The following DGKD variants were observed in gnomAD, a reference collection of about 807,000 sequenced individuals.
DGKD encodes the protein diacylglycerol kinase delta.
DGKD carries 68 observed loss-of-function variants against 154.4 expected under a neutral mutation model. That is an observed-to-expected ratio of 0.44 (90% CI 0.36 to 0.54). The LOEUF (loss-of-function observed/expected upper bound fraction) is 0.54. Among genes scored for constraint, DGKD ranks in the 20% least tolerant of loss-of-function variants. The pLI, the probability that DGKD is intolerant of heterozygous loss-of-function variation, is 0.00. For synonymous variants in DGKD, 693 were observed against 638.0 expected, an observed-to-expected ratio of 1.09 and a Z score of -1.30; for missense variants, 1,343 against 1,593.6, an observed-to-expected ratio of 0.84 and a Z score of 2.68.
chr2:233,427,815 G>A (rs981184048), intron 3 of DGKD, among the ~76,000 whole-genome samples: 7 of 152,124 alleles, frequency 4.6e-5, no homozygotes, highest in African/African-American at 1.7e-4. Flanking sequence ...CCATTCCTTG[G>A]TTGCCAGTAG....
chr2:233,425,996 T>G (rs941503531), intron 3 of DGKD, among the ~76,000 whole-genome samples: 25 of 152,228 alleles, frequency 1.6e-4, no homozygotes, highest in African/African-American at 5.3e-4. Flanking sequence ...TTGTATTAAT[T>G]TTTGCCCCAG....
intron 10 of DGKD, among the ~76,000 whole-genome samples, chr2:233,444,742 T>C (rs2063008727): frequency 6.6e-6 from 1 of 150,662 alleles, no homozygotes; most frequent in South Asian, 2.1e-4. Flanking sequence ...CCCTGGTGTT[T>C]GCTGTCCCCA....
At chr2:233,368,480 C>A (rs1370593927) in intron 1 of DGKD, among the ~76,000 whole-genome samples, 1 of 152,116 alleles carries the variant, frequency 6.6e-6, no homozygotes, top group Non-Finnish European at 1.5e-5. Flanking sequence ...CCACTGCACT[C>A]CAGGCTGGGC....
intron 1 of DGKD, among the ~76,000 whole-genome samples, chr2:233,355,772 C>G (rs1028924284): frequency 6.6e-6 from 1 of 152,232 alleles, no homozygotes; most frequent in Non-Finnish European, 1.5e-5. Context: ...AATAACAATT[C>G]TTTAATAAGC....
At position 233,445,136 on chromosome 2, in the gene DGKD, T is replaced by C. The variant is rs558443071; in HGVS notation, c.1195-487T>C. ...AGACTGAGGATGGTCCTGGCACCTT[T>C]TTTGGATAGGATTTAGAGGAGAGAA... On this transcript the variant is annotated intron_variant, in intron 10 of 29. Transcript: ENST00000264057. The surrounding 1 kb of genome is among the most constrained non-coding windows in gnomAD (Gnocchi z 5.5). Among the ~76,000 whole-genome samples, 2 of 152,204 alleles carry C rather than the reference T, an allele frequency of 1.3e-5. No homozygotes were observed. Among genetic ancestry groups the C allele is most frequent in the African/African-American group, 4.8e-5 (2 of 41,528 alleles).
Position 233,445,120 on chromosome 2 carries a change from A to G in DGKD, c.1195-503A>G, listed in dbSNP as rs2063023153. On this transcript the variant is annotated intron_variant, in intron 10 of 29. Coordinates refer to ENST00000264057, the MANE Select transcript of DGKD (RefSeq NM_152879.3). This position sits in a 1 kb window ranked among gnomAD's most constrained non-coding sequence, Gnocchi z 5.5. ...CTCCAGGGTAGCCTCCAGACTGAGGATGGTCCTGGCACCTTTTTTGGATAG... is the reference window on the plus strand; with the variant it reads ...CTCCAGGGTAGCCTCCAGACTGAGGGTGGTCCTGGCACCTTTTTTGGATAG... 1.3e-5 allele frequency among the ~76,000 whole-genome samples: 2 copies of G among 152,112 alleles called. No individual in the cohort carries two copies. Among genetic ancestry groups the G allele is most frequent in the Admixed American group, 1.3e-4 (2 of 15,280 alleles).
In DGKD at chr2:233,438,069, A is replaced by G. The variant is rs1575119508; in HGVS notation, c.923-148A>G. On this transcript the variant is annotated intron_variant, in intron 8 of 29. Transcript: ENST00000264057. The surrounding 1 kb of genome is among the most constrained non-coding windows in gnomAD (Gnocchi z 4.1). ...TCACACATGGAGACCGGCTGTGGGGAACTGTTCACTGACCTCCTCCTGACT... is the reference window on the plus strand; with the variant it reads ...TCACACATGGAGACCGGCTGTGGGGGACTGTTCACTGACCTCCTCCTGACT... 1.2e-6 allele frequency: 1 copy of G among 867,906 alleles called. No homozygotes were observed. Among genetic ancestry groups the G allele is most frequent in the Non-Finnish European group, 1.8e-6 (1 of 553,484 alleles). 53.8% of individuals were successfully genotyped at this position (867,906 alleles called of 1,614,324 possible). A position where few individuals can be genotyped will look rare whatever the true frequency, so the allele number is the denominator to read the frequency against.
At chr2:233,439,541 G>T (rs1367477721) in intron 9 of DGKD, among the ~76,000 whole-genome samples, 1 of 152,114 alleles carries the variant, frequency 6.6e-6, no homozygotes, top group Non-Finnish European at 1.5e-5. Flanking sequence ...TCACTAGTAG[G>T]CTGATCAAGA....
At chr2:233,419,902 G>A (rs552331952) in intron 3 of DGKD, among the ~76,000 whole-genome samples, 1 of 152,066 alleles carries the variant, frequency 6.6e-6, no homozygotes, top group African/African-American at 2.4e-5. Context: ...GAGGGAAGGT[G>A]TTTTTGCTGT....
intron 3 of DGKD, among the ~76,000 whole-genome samples, chr2:233,394,056 T>G (rs1220607570): frequency 6.6e-5 from 10 of 152,322 alleles, no homozygotes; most frequent in African/African-American, 2.4e-4. Context: ...TCGCTTGAGC[T>G]TCCATAGGCT....
chr2:233,402,206 C>T (rs991256250), intron 3 of DGKD, among the ~76,000 whole-genome samples: 3 of 152,238 alleles, frequency 2.0e-5, no homozygotes, highest in African/African-American at 7.2e-5. Flanking sequence ...CCATATGCTT[C>T]TGTGGGACTG....
In DGKD at chr2:233,454,829, C is replaced by T. The variant is rs547499218; in HGVS notation, c.2331C>T (p.Ser777=). Residue 777 remains serine (S), a synonymous_variant, in exon 19 of 30, where the codon TCC becomes TCT. Transcript: ENST00000264057. ...YFGIGLDAKI[S]LDFNNKRDEH... is the part of the protein sequence containing the mutation. ...GCATTGGCCTGGATGCGAAGATATC[C>T]CTGGACTTTAACAACAAGCGCGATG... 6.2e-7 allele frequency: 1 copy of T among 1,614,038 alleles called. No homozygotes were observed. Among genetic ancestry groups the T allele is most frequent in the African/African-American group, 1.3e-5 (1 of 75,020 alleles).
intron 3 of DGKD, among the ~76,000 whole-genome samples, chr2:233,422,107 T>G (rs1356714812): frequency 1.3e-5 from 2 of 152,176 alleles, no homozygotes; most frequent in African/African-American, 4.8e-5. Flanking sequence ...AGAGGCAGCT[T>G]CTTTTGGGGC....
rs753587074 is a variant in DGKD, at chr2:233,457,230, C to T, written c.2482C>T (p.Arg828Ter). The change falls in exon 21 of 30, where the codon CGA (arginine) becomes TGA (stop). Residue 828 changes from arginine to a stop codon, truncating the protein, a stop_gained. Coordinates refer to ENST00000264057, the MANE Select transcript of DGKD (RefSeq NM_152879.3). LOFTEE classifies it high-confidence loss of function. This position sits in a 1 kb window ranked among gnomAD's most constrained non-coding sequence, Gnocchi z 5.5. The stretch of plus-strand genomic sequence containing the variant: ...TGTCTCTGCTGCTCAGTGTGACGGG[C>T]GACCCATCCCACTCCCCAGTCTTCA... ...EQKVLLECDG[R>*]PIPLPSLQGI... The T allele has an allele frequency of 1.3e-6, 2 of 1,517,088 alleles. No individual in the cohort carries two copies. The highest frequency in any genetic ancestry group is 2.2e-5 in the Admixed American group (1 of 44,872). The allele number at this position is 1,517,088 out of a possible 1,614,324, so 94.0% of individuals were successfully genotyped here.
chr2:233,430,427 T>C (rs185305988), intron 3 of DGKD, among the ~76,000 whole-genome samples: 2 of 152,296 alleles, frequency 1.3e-5, no homozygotes, highest in African/African-American at 2.4e-5. Flanking sequence ...TAAGGAGTGA[T>C]GGCCGGGATA....
intron 6 of DGKD, 93 bp from the exon 7 acceptor site, chr2:233,436,223 A>G: frequency 6.4e-7 from 1 of 1,574,676 alleles, no homozygotes. Context: ...TCTGGGAAGA[A>G]TGCCTTGGCT....
At position 233,458,590 on chromosome 2, in the gene DGKD, A is replaced by G. The variant is rs908490313; in HGVS notation, c.2694+193A>G. Among the ~76,000 whole-genome samples, 20 of 151,194 alleles carry G rather than the reference A, an allele frequency of 1.3e-4. No individual in the cohort carries two copies. The highest frequency in any genetic ancestry group is 2.7e-4 in the Non-Finnish European group (18 of 67,898). Reference sequence around the variant, plus strand: ...TCCTTGTGCTATGCTTGACAGTTAAATTCTCAAGATAACTCTTTTTAATTT... The same window carrying G: ...TCCTTGTGCTATGCTTGACAGTTAAGTTCTCAAGATAACTCTTTTTAATTT... On this transcript the variant is annotated intron_variant, in intron 22 of 29. Coordinates refer to ENST00000264057, the MANE Select transcript of DGKD (RefSeq NM_152879.3). The surrounding 1 kb of genome is among the most constrained non-coding windows in gnomAD (Gnocchi z 6.6).
Position 233,450,046 on chromosome 2 carries a change from AGAG to A in DGKD, c.1957_1959del (p.Glu653del), listed in dbSNP as rs140420660. 1,663 of 1,613,968 alleles carry A rather than the reference AGAG, an allele frequency of 1.0e-3. 17 individuals are homozygous for A. In the African/African-American group the frequency reaches 0.02, roughly 19 times the overall value. On this transcript the variant is annotated inframe_deletion, in exon 16 of 30. Transcript: ENST00000264057. Reference sequence around the variant, plus strand: ...GCTTCGTCCTGGGCCTCTCTGAGTCAGAGGAGAAGATGGACCACAGAGTGTGCC... The same window carrying A: ...GCTTCGTCCTGGGCCTCTCTGAGTCAGAGAAGATGGACCACAGAGTGTGCC...
chr2:233,411,751 G>T (rs1428916270), intron 3 of DGKD, among the ~76,000 whole-genome samples: 4 of 152,116 alleles, frequency 2.6e-5, no homozygotes, highest in Non-Finnish European at 5.9e-5. Context: ...ACCTCGGCTT[G>T]CAAAGATTTT....
Sources: allele counts gnomAD v4.1 joint callset (sites outside exome capture counted in the v4.1 genomes callset), GRCh38; gene constraint gnomAD v4.1.1; non-coding constraint Gnocchi (gnomAD v3.1); transcripts MANE v1.5; gene names NCBI Gene and HGNC (gene_info 2026-07-23, HGNC 2026-07-21).